SLC2A5: variants seen among roughly 807,000 people sequenced by gnomAD.
The protein encoded by SLC2A5 is solute carrier family 2, facilitated glucose transporter member 5.
SLC2A5 carries 56 observed loss-of-function variants against 50.3 expected under a neutral mutation model. The ratio of observed to expected loss-of-function variants is 1.11; its 90% CI spans 0.90 to 1.39. SLC2A5 has a LOEUF of 1.39. Among genes scored for constraint, SLC2A5 ranks in the 40% most tolerant of loss-of-function variants. SLC2A5 has a pLI of 0.00. For synonymous variants in SLC2A5, 269 were observed against 281.9 expected, an observed-to-expected ratio of 0.95 and a Z score of 0.46; for missense variants, 566 against 650.1, an observed-to-expected ratio of 0.87 and a Z score of 1.41.
chr1:9,052,796 T>C (rs2124376782), intron 3 of SLC2A5, among the ~76,000 whole-genome samples: 1 of 151,626 alleles, frequency 6.6e-6, no homozygotes, highest in South Asian at 2.1e-4. Context: ...GGTGGGAGGA[T>C]GGCTTGAGGC....
chr1:9,078,498 C>T (rs1371735815), intron 2 of SLC2A5, among the ~76,000 whole-genome samples: 5 of 152,128 alleles, frequency 3.3e-5, no homozygotes, highest in African/African-American at 1.2e-4. Context: ...GTACAGTGTA[C>T]AGCGCTTGGG....
intron 3 of SLC2A5, among the ~76,000 whole-genome samples, chr1:9,053,250 TTA>T (rs1162098157): frequency 7.5e-5 from 1 of 13,404 alleles, no homozygotes; most frequent in African/African-American, 2.5e-4. Context: ...TATATTATAT[TTA>T]TATATTATAT....
chr1:9,093,153 C>T (rs898207518), upstream of SLC2A5, among the ~76,000 whole-genome samples: 21 of 152,128 alleles, frequency 1.4e-4, no homozygotes, highest in Non-Finnish European at 2.6e-4. Flanking sequence ...CCTTTAATCC[C>T]TTCCTACAGC....
rs980456979 is a variant in SLC2A5 at position 9,059,203 on chromosome 1, C to T, written c.34-953G>A. Among the ~76,000 whole-genome samples the T allele has an allele frequency of 3.2e-4, 40 of 123,720 alleles. 1 individual carries two copies. The highest frequency in any genetic ancestry group is 5.2e-3 in the Middle Eastern group (1 of 192). 81.2% of individuals were successfully genotyped at this position (123,720 alleles called of 152,430 possible). ...TGTCACCCAGGCTGGAGTGCAGTGG[C>T]GCAATCTCGGCTCACTGCAAGCTCC... On this transcript the variant is annotated intron_variant, in intron 1 of 11. Coordinates refer to ENST00000377424, the MANE Select transcript of SLC2A5 (RefSeq NM_003039.3).
chr1:9,081,811 G>C (rs1569924366), intron 2 of SLC2A5, among the ~76,000 whole-genome samples: 1 of 152,274 alleles, frequency 6.6e-6, no homozygotes, highest in East Asian at 1.9e-4. Context: ...GTCAGGTGAG[G>C]TGGCTCACAT....
chr1:9,060,743 A>C (rs61785807), intron 1 of SLC2A5, among the ~76,000 whole-genome samples: 1,892 of 149,078 alleles, frequency 0.013, 29 homozygotes, highest in South Asian at 0.063. Flanking sequence ...ATGCACACAC[A>C]ATAGGCTTGG....
intron 2 of SLC2A5, among the ~76,000 whole-genome samples, chr1:9,076,255 C>CA (rs1300645769): frequency 6.6e-6 from 1 of 152,062 alleles, no homozygotes. Flanking sequence ...TGCACCTGGC[C>CA]GGATTTTCAA....
chr1:9,073,949 G>A (rs1016619715), upstream of SLC2A5, among the ~76,000 whole-genome samples: 16 of 152,268 alleles, frequency 1.1e-4, no homozygotes, highest in East Asian at 2.5e-3. Context: ...GCTTGGTGGC[G>A]GGAGCCCGTA....
intron 2 of SLC2A5, among the ~76,000 whole-genome samples, chr1:9,079,478 T>C (rs1252122139): frequency 6.6e-6 from 1 of 152,138 alleles, no homozygotes; most frequent in Non-Finnish European, 1.5e-5. Flanking sequence ...CCTCTTTTTA[T>C]TTTTGATTTA....
In SLC2A5 at chr1:9,040,407, C is replaced by G. The variant is rs962595581; in HGVS notation, c.572-218G>C. The stretch of plus-strand genomic sequence containing the variant: ...CGCACCCCTGCGCCCATCAGACAGA[C>G]CACACCGACGAGGCCGGTAATACCA... On this transcript the variant is annotated intron_variant, in intron 5 of 11. Transcript: ENST00000377424. This position sits in a 1 kb window ranked among gnomAD's most constrained non-coding sequence, Gnocchi z 4.3. The G allele has an allele frequency of 7.7e-5, 45 of 582,882 alleles. No homozygotes were observed. The highest frequency in any genetic ancestry group is 1.2e-4 in the Non-Finnish European group (39 of 333,622). 36.1% of individuals were successfully genotyped at this position (582,882 alleles called of 1,614,324 possible).
intron 8 of SLC2A5, 137 bp downstream of exon 8, chr1:9,039,415 C>A: frequency 1.6e-6 from 1 of 641,598 alleles, no homozygotes; most frequent in Non-Finnish European, 2.6e-6. Flanking sequence ...GGGCCACCTC[C>A]CACACAGAGT....
Position 9,041,755 on chromosome 1 carries a change from G to T in SLC2A5, c.571+30C>A, listed in dbSNP as rs188271538. The stretch of plus-strand genomic sequence containing the variant: ...GGGCCAAGGGTAGTGGTGAAGGGGT[G>T]GGGGTGCTCCCGAGATGTCCTGAAC... On this transcript the variant is annotated intron_variant, in intron 5 of 11. Coordinates refer to ENST00000377424, the MANE Select transcript of SLC2A5 (RefSeq NM_003039.3). The T allele has an allele frequency of 7.2e-5, 116 of 1,614,022 alleles. No individual in the cohort carries two copies. The Middle Eastern group carries it at 1.2e-3, about 16-fold the overall frequency.
chr1:9,061,627 C>T (rs1273821978), intron 1 of SLC2A5, among the ~76,000 whole-genome samples: 1 of 124,182 alleles, frequency 8.1e-6, no homozygotes, highest in East Asian at 2.4e-4. Context: ...AAATTCTTTT[C>T]TAATTCTCTT....
intron 1 of SLC2A5, among the ~76,000 whole-genome samples, chr1:9,063,681 CTTTTTT>C (rs70985579): frequency 7.3e-3 from 330 of 45,108 alleles, no homozygotes; most frequent in South Asian, 0.027. Context: ...CTATTATTTA[CTTTTTT>C]TTTTTTTTTT....
chr1:9,087,865 G>T (rs1418282180), intron 1 of SLC2A5, among the ~76,000 whole-genome samples: 1 of 151,624 alleles, frequency 6.6e-6, no homozygotes, highest in Non-Finnish European at 1.5e-5. Flanking sequence ...TCTCTTCCTC[G>T]TGTGCCTCCA....
intron 1 of SLC2A5, among the ~76,000 whole-genome samples, chr1:9,063,719 G>A (rs1642008288): frequency 1.0e-5 from 1 of 95,328 alleles, no homozygotes; most frequent in Non-Finnish European, 1.9e-5. Flanking sequence ...TTTTGAGACG[G>A]AGTCTTCGCT....
intron 1 of SLC2A5, among the ~76,000 whole-genome samples, chr1:9,069,206 T>C (rs1399111136): frequency 6.6e-6 from 1 of 152,222 alleles, no homozygotes; most frequent in African/African-American, 2.4e-5. Context: ...GCAGCTAACA[T>C]GTTTGGTTCA....
upstream of SLC2A5, among the ~76,000 whole-genome samples, chr1:9,073,708 G>T (rs1488101237): frequency 6.6e-6 from 1 of 152,230 alleles, no homozygotes; most frequent in Non-Finnish European, 1.5e-5. Context: ...CAAAGCCCCT[G>T]GTGGTGCAAA....
intron 2 of SLC2A5, among the ~76,000 whole-genome samples, chr1:9,079,568 A>T (rs797187): frequency 6.6e-6 from 1 of 152,218 alleles, no homozygotes; most frequent in East Asian, 1.9e-4. Flanking sequence ...TCCCTGCAAC[A>T]TTTGCCTCCT....
Sources: allele counts gnomAD v4.1 joint callset (sites outside exome capture counted in the v4.1 genomes callset), GRCh38; gene constraint gnomAD v4.1.1; non-coding constraint Gnocchi (gnomAD v3.1); transcripts MANE v1.5; gene names NCBI Gene and HGNC (gene_info 2026-07-23, HGNC 2026-07-21).